Variants in NRXN3 observed in about 807,000 individuals in gnomAD.
The protein encoded by NRXN3 is neurexin III.
A neutral mutation model predicts 137.6 loss-of-function variants in NRXN3; 32 were observed. That is an observed-to-expected ratio of 0.23 (90% CI 0.18 to 0.31). The LOEUF is 0.31. Among genes scored for constraint, NRXN3 ranks in the 10% least tolerant of loss-of-function variants. The pLI, the probability that NRXN3 is intolerant of heterozygous loss-of-function variation, is 1.00. For missense variants in NRXN3, 1,574 were observed against 2,062.5 expected (o/e 0.76, Z 4.59); for synonymous variants, 798 against 784.5 (o/e 1.02, Z -0.29).
At chr14:79,299,727 A>G (rs1386904588) in intron 15 of NRXN3, among the ~76,000 whole-genome samples, 1 of 152,108 alleles carries the variant, frequency 6.6e-6, no homozygotes, top group Non-Finnish European at 1.5e-5. Context: ...GCTGCAAGGA[A>G]TCTTGGGTGT....
At chr14:79,429,837 A>G (rs75366470) in intron 15 of NRXN3, among the ~76,000 whole-genome samples, 4,264 of 152,288 alleles carry the variant, frequency 0.028, 199 homozygotes, top group African/African-American at 0.097. Flanking sequence ...AGGGACTTCA[A>G]TGCCATATGA....
intron 19 of NRXN3, among the ~76,000 whole-genome samples, chr14:79,728,275 C>T (rs1432313186): frequency 1.3e-5 from 2 of 152,208 alleles, no homozygotes; most frequent in African/African-American, 4.8e-5. Flanking sequence ...GAGCCCCCAA[C>T]TCCTTCTTCC....
At chr14:79,764,855 C>G (rs747772214) in intron 19 of NRXN3, among the ~76,000 whole-genome samples, 3 of 152,216 alleles carry the variant, frequency 2.0e-5, no homozygotes, top group Admixed American at 2.0e-4. Context: ...TACCCTAGTG[C>G]ATCTGCTAAT....
chr14:78,520,868 G>A lies in NRXN3; in HGVS notation c.758-124252G>A, dbSNP rs946573496. On this transcript the variant is annotated intron_variant, in intron 4 of 20. Coordinates refer to ENST00000335750, the MANE Select transcript of NRXN3 (RefSeq NM_001330195.2). ...AAGTTAGGAGCTGTGAAGACCCTAG[G>A]GGGCAGAGGAGGTACAGGCATTAAT... Among the ~76,000 whole-genome samples, 4 of 152,260 alleles carry A rather than the reference G, an allele frequency of 2.6e-5. No individual in the cohort carries two copies. The South Asian group carries it at 6.2e-4, about 24-fold the overall frequency.
intron 4 of NRXN3, among the ~76,000 whole-genome samples, chr14:78,471,041 C>T (rs1367937210): frequency 6.6e-6 from 1 of 152,128 alleles, no homozygotes; most frequent in East Asian, 1.9e-4. Context: ...TGTGTAATGA[C>T]AAGGCCTTCA....
chr14:79,715,186 C>G (rs1002564318), intron 19 of NRXN3, among the ~76,000 whole-genome samples: 30 of 152,112 alleles, frequency 2.0e-4, no homozygotes, highest in Non-Finnish European at 3.7e-4. Context: ...ATCTCCTGAC[C>G]TCGTGATCCA....
At chr14:78,420,977 G>T (rs2093419096) in intron 4 of NRXN3, among the ~76,000 whole-genome samples, 1 of 152,228 alleles carries the variant, frequency 6.6e-6, no homozygotes, top group Admixed American at 6.5e-5. Context: ...AGACAGCACA[G>T]CATGGGGACC....
chr14:79,378,451 G>C (rs1316299671), intron 15 of NRXN3, among the ~76,000 whole-genome samples: 1 of 152,180 alleles, frequency 6.6e-6, no homozygotes, highest in Admixed American at 6.5e-5. Context: ...CTTTGTCATT[G>C]ACTTTCTTGT....
At chr14:78,366,383 T>A (rs531580581) in intron 4 of NRXN3, among the ~76,000 whole-genome samples, 3 of 152,332 alleles carry the variant, frequency 2.0e-5, no homozygotes, top group African/African-American at 4.8e-5. Flanking sequence ...TTTAATTTTT[T>A]AATTAAAGTG....
At chr14:79,716,879 A>C (rs1013342008) in intron 19 of NRXN3, among the ~76,000 whole-genome samples, 2 of 152,172 alleles carry the variant, frequency 1.3e-5, no homozygotes, top group African/African-American at 4.8e-5. Flanking sequence ...TAGTAGTAAC[A>C]ATGGGCATTT....
chr14:79,247,519 A>G (rs2075350720), intron 15 of NRXN3, among the ~76,000 whole-genome samples: 1 of 152,198 alleles, frequency 6.6e-6, no homozygotes, highest in African/African-American at 2.4e-5. Context: ...GCAAAGAAAG[A>G]GCAACAAGTT....
chr14:79,557,225 T>C (rs2097438874), intron 16 of NRXN3, among the ~76,000 whole-genome samples: 1 of 151,910 alleles, frequency 6.6e-6, no homozygotes, highest in African/African-American at 2.4e-5. Flanking sequence ...TGAGGCCATC[T>C]TTCTGTCTGT....
At chr14:78,584,946 T>C (rs1213257781) in intron 4 of NRXN3, among the ~76,000 whole-genome samples, 1 of 152,198 alleles carries the variant, frequency 6.6e-6, no homozygotes, top group African/African-American at 2.4e-5. Context: ...TAAAGAATGT[T>C]CAATATCTAC....
At chr14:78,179,824 G>GTTTTTTTTTTTT (rs1566912649) in intron 1 of NRXN3, among the ~76,000 whole-genome samples, 14 of 12,612 alleles carry the variant, frequency 1.1e-3, no homozygotes, top group Middle Eastern at 0.045. Flanking sequence ...TTTTTTTTTT[G>GTTTTTTTTTTTT]TTTGTTTCTG....
At chr14:78,305,495 C>A (rs2077280832) in intron 4 of NRXN3, among the ~76,000 whole-genome samples, 1 of 152,134 alleles carries the variant, frequency 6.6e-6, no homozygotes, top group Non-Finnish European at 1.5e-5. Flanking sequence ...CTAATCAACA[C>A]TGGCCAAACT....
At chr14:78,237,618 C>T (rs1596263766) in intron 1 of NRXN3, among the ~76,000 whole-genome samples, 1 of 152,202 alleles carries the variant, frequency 6.6e-6, no homozygotes, top group East Asian at 1.9e-4. Flanking sequence ...TCAAATTCAA[C>T]TTCAAGTCTG....
intron 8 of NRXN3, chr14:78,744,616 A>G (rs753735701): frequency 1.3e-5 from 2 of 152,250 alleles, no homozygotes; most frequent in East Asian, 3.9e-4. Context: ...GGAGGTTGTG[A>G]CTTTTCTAAA....
intron 4 of NRXN3, among the ~76,000 whole-genome samples, chr14:78,581,988 A>G (rs2097003105): frequency 6.6e-6 from 1 of 152,232 alleles, no homozygotes; most frequent in South Asian, 2.1e-4. Context: ...TTGATGCCGT[A>G]TCTATCCTCC....
At chr14:78,314,120 C>A (rs988588033) in intron 4 of NRXN3, among the ~76,000 whole-genome samples, 2 of 152,044 alleles carry the variant, frequency 1.3e-5, no homozygotes, top group African/African-American at 4.8e-5. Flanking sequence ...ATATGAAAGC[C>A]CTTTTCTGGG....
Sources: allele counts gnomAD v4.1 joint callset (sites outside exome capture counted in the v4.1 genomes callset), GRCh38; gene constraint gnomAD v4.1.1; transcripts MANE v1.5; gene names NCBI Gene and HGNC (gene_info 2026-07-23, HGNC 2026-07-21).